NBEA: variants seen among roughly 807,000 people sequenced by gnomAD.
NBEA encodes the protein lysosomal-trafficking regulator 2.
A neutral mutation model predicts 343.4 loss-of-function variants in NBEA; 44 were observed. The ratio of observed to expected loss-of-function variants is 0.13; its 90% CI spans 0.10 to 0.16. The LOEUF (loss-of-function observed/expected upper bound fraction) is 0.16, where lower values mean the gene tolerates loss of function less well. Ranked by LOEUF, NBEA falls within the 10% of genes least tolerant of loss-of-function variation. The pLI, the probability that NBEA is intolerant of heterozygous loss-of-function variation, is 1.00. For synonymous variants in NBEA, 1,175 were observed against 1,238.7 expected (o/e 0.95, Z 1.08); for missense variants, 2,555 against 3,631.3 (o/e 0.70, Z 7.62).
intron 11 of NBEA, among the ~76,000 whole-genome samples, chr13:35,106,500 T>G (rs2065925614): frequency 6.6e-6 from 1 of 151,866 alleles, no homozygotes; most frequent in Non-Finnish European, 1.5e-5. Flanking sequence ...ATAATATCCT[T>G]TCTTATATTA....
intron 8 of NBEA, among the ~76,000 whole-genome samples, chr13:35,060,548 A>G (rs1180121872): frequency 6.6e-6 from 1 of 151,788 alleles, no homozygotes. Flanking sequence ...GCATTACATC[A>G]GAGAGTATTT....
At chr13:35,384,707 G>A (rs534017279) in intron 38 of NBEA, among the ~76,000 whole-genome samples, 80 of 151,960 alleles carry the variant, frequency 5.3e-4, no homozygotes, top group Non-Finnish European at 9.1e-4. Context: ...TCTATTTGTT[G>A]TAGAGACGGG....
At position 35,187,525 on chromosome 13, in the gene NBEA, A is replaced by G. The variant is rs181912210; in HGVS notation, c.4927+3454A>G. 1.1e-3 allele frequency among the ~76,000 whole-genome samples: 164 copies of G among 151,196 alleles called. 1 individual carries two copies. The highest frequency in any genetic ancestry group is 3.7e-3 in the African/African-American group (153 of 41,422). The stretch of plus-strand genomic sequence containing the variant: ...CTATAATAAAGTAATTTTTCTTCCT[A>G]AAATTCTCAAAAGGCTCCCTGTAAT... On this transcript the variant is annotated intron_variant, in intron 30 of 58. Transcript: ENST00000379939.
chr13:35,603,389 C>G (rs1891718), intron 47 of NBEA, among the ~76,000 whole-genome samples: 1 of 152,146 alleles, frequency 6.6e-6, no homozygotes. Flanking sequence ...GCATTTTCCC[C>G]AATTTTATTC....
intron 35 of NBEA, among the ~76,000 whole-genome samples, chr13:35,298,211 G>GTA (rs72309538): frequency 4.7e-4 from 48 of 103,026 alleles, no homozygotes; most frequent in African/African-American, 1.9e-3. Flanking sequence ...GTGTGTGTGT[G>GTA]TATATATATA....
At chr13:35,176,892 G>A (rs892818146) in intron 27 of NBEA, 104 bp from the exon 28 acceptor site, 5 of 682,712 alleles carry the variant, frequency 7.3e-6, no homozygotes, top group Non-Finnish European at 1.0e-5. Context: ...AACTCAGAGA[G>A]GTGGAGATAC....
intron 32 of NBEA, among the ~76,000 whole-genome samples, chr13:35,210,459 G>A (rs981601373): frequency 5.9e-5 from 9 of 152,076 alleles, no homozygotes; most frequent in Admixed American, 3.3e-4. Flanking sequence ...AACACTAGAT[G>A]TCCCTCAACT....
chr13:35,046,300 G>T (rs1302179158), intron 4 of NBEA, among the ~76,000 whole-genome samples: 2 of 152,094 alleles, frequency 1.3e-5, no homozygotes, highest in Non-Finnish European at 1.5e-5. Flanking sequence ...TTAAATACCT[G>T]AGTGAGATTG....
At chr13:34,956,715 A>G (rs2059504049) in intron 1 of NBEA, among the ~76,000 whole-genome samples, 2 of 152,182 alleles carry the variant, frequency 1.3e-5, no homozygotes, top group African/African-American at 2.4e-5. Flanking sequence ...ATTGTTAATC[A>G]TAGTCACTGT....
intron 55 of NBEA, among the ~76,000 whole-genome samples, chr13:35,658,133 TAAG>T (rs1245274432): frequency 3.9e-5 from 6 of 152,136 alleles, no homozygotes; most frequent in Admixed American, 2.0e-4. Context: ...TTTTAATTCT[TAAG>T]AACAAAAATA....
At position 35,655,026 on chromosome 13, in the gene NBEA, A is replaced by T; in HGVS notation, c.8191+16A>T. On this transcript the variant is annotated intron_variant, in intron 54 of 58. Transcript: ENST00000379939. ...ACAGAAACAGGTAATCCTAACTATG[A>T]AACACCATATTCTCTTCAAAATGAC... 1 of 1,497,522 alleles carries T rather than the reference A, an allele frequency of 6.7e-7. No individual in the cohort carries two copies. Among genetic ancestry groups the T allele is most frequent in the Non-Finnish European group, 8.9e-7 (1 of 1,127,112 alleles). 92.8% of individuals were successfully genotyped at this position (1,497,522 alleles called of 1,614,324 possible).
At position 35,656,044 on chromosome 13, in the gene NBEA, C is replaced by T. The variant is rs978230224; in HGVS notation, c.8362+295C>T. ...CCTTCAGAAATTTTCTTCAGCTTCA[C>T]CTTATCCATTAAACCTCATATTATT... On this transcript the variant is annotated intron_variant, in intron 55 of 58. Transcript: ENST00000379939. Among the ~76,000 whole-genome samples, 6 of 152,192 alleles carry T rather than the reference C, an allele frequency of 3.9e-5. No homozygotes were observed. The East Asian group carries it at 1.2e-3, about 29-fold the overall frequency.
At chr13:35,614,493 A>G (rs1397841544) in intron 48 of NBEA, among the ~76,000 whole-genome samples, 1 of 152,204 alleles carries the variant, frequency 6.6e-6, no homozygotes, top group Non-Finnish European at 1.5e-5. Context: ...ACAAAACCAG[A>G]TAATTCATTG....
At chr13:35,199,790 T>C (rs776625921) in intron 31 of NBEA, among the ~76,000 whole-genome samples, 50 of 152,254 alleles carry the variant, frequency 3.3e-4, no homozygotes, top group Admixed American at 2.0e-3. Flanking sequence ...TAGACTTAAT[T>C]AAAATAAACC....
intron 55 of NBEA, among the ~76,000 whole-genome samples, chr13:35,664,191 G>C (rs1246138564): frequency 6.6e-6 from 1 of 152,170 alleles, no homozygotes; most frequent in East Asian, 1.9e-4. Flanking sequence ...GGGCTATTCA[G>C]GGGGAGGTGC....
chr13:35,372,453 C>T (rs868733936), intron 38 of NBEA, among the ~76,000 whole-genome samples: 1 of 152,114 alleles, frequency 6.6e-6, no homozygotes, highest in Non-Finnish European at 1.5e-5. Flanking sequence ...CTGGGGAGGG[C>T]AGATCCAGGC....
At chr13:35,239,657 CAT>C (rs1331080295) in intron 34 of NBEA, among the ~76,000 whole-genome samples, 1 of 152,016 alleles carries the variant, frequency 6.6e-6, no homozygotes, top group East Asian at 1.9e-4. Flanking sequence ...CATACATATG[CAT>C]GTACATGCAC....
At chr13:35,081,937 T>C (rs1421667270) in intron 10 of NBEA, among the ~76,000 whole-genome samples, 2 of 152,110 alleles carry the variant, frequency 1.3e-5, no homozygotes, top group African/African-American at 2.4e-5. Context: ...TTTATTATAC[T>C]TTAAGTTTTA....
chr13:35,476,624 G>T, intron 41 of NBEA: 1 of 505,396 alleles, frequency 2.0e-6, no homozygotes, highest in East Asian at 3.6e-5. Flanking sequence ...GGAAAAGTGT[G>T]CTGAGTGTGT....
Sources: gnomAD v4.1 joint callset for allele counts (sites outside exome capture counted in the v4.1 genomes callset) on GRCh38, gnomAD v4.1.1 for gene constraint, MANE v1.5 for transcripts, NCBI Gene and HGNC (gene_info 2026-07-23, HGNC 2026-07-21) for gene names.